Variants in NOC4L observed in about 807,000 individuals in gnomAD.
NOC4L encodes the protein nucleolar complex associated 4 homolog, also known as nucleolar complex protein 4 homolog.
In NOC4L, 40 loss-of-function variants were observed where a neutral mutation model predicts 62.8. That is an observed-to-expected ratio of 0.64 (90% CI 0.49 to 0.83). The LOEUF (loss-of-function observed/expected upper bound fraction) is 0.83. Among genes scored for constraint, NOC4L ranks in the 40% least tolerant of loss-of-function variants. The pLI is 0.00. For synonymous variants in NOC4L, 433 were observed against 299.8 expected (o/e 1.44, Z -4.59); for missense variants, 927 against 701.9 (o/e 1.32, Z -3.62).
chr12:132,147,661 A>C lies in NOC4L; in HGVS notation c.482A>C (p.Glu161Ala), dbSNP rs1334754082. 6.2e-7 allele frequency: 1 copy of C among 1,612,824 alleles called. No homozygotes were observed. Among genetic ancestry groups the C allele is most frequent in the Admixed American group, 1.7e-5 (1 of 60,014 alleles). Reference sequence around the variant, plus strand: ...GTGGTGGGAGGCCTGCTGTCTCCTGAGGAGGACCAGAGCCTGCTCCTGTCC... The same window carrying C: ...GTGGTGGGAGGCCTGCTGTCTCCTGCGGAGGACCAGAGCCTGCTCCTGTCC... ...KLVVGGLLSP[E>A]EDQSLLLSQF... The change falls in exon 5 of 15, where the codon GAG becomes GCG. Residue 161 changes from glutamate (E) to alanine (A), a missense_variant. Coordinates refer to ENST00000330579, the MANE Select transcript of NOC4L (RefSeq NM_024078.3).
rs563256229 is a variant in NOC4L at position 132,148,199 on chromosome 12, C to A, written c.738+93C>A. ...CCCATGGAGGCTGCCGCCTTCCTCA[C>A]CAGAGGAAACTCCCAGGGTACAGGT... is the stretch of plus-strand genomic sequence containing the variant. On this transcript the variant is annotated intron_variant, in intron 7 of 14. Coordinates refer to ENST00000330579, the MANE Select transcript of NOC4L (RefSeq NM_024078.3). 10 of 1,288,142 alleles carry A rather than the reference C, an allele frequency of 7.8e-6. No homozygotes were observed. The East Asian group carries it at 2.2e-4, about 28-fold the overall frequency. The allele number at this position is 1,288,142 out of a possible 1,614,324, so 79.8% of individuals were successfully genotyped here. A position where few individuals can be genotyped will look rare whatever the true frequency, so the allele number is the denominator to read the frequency against.
At chr12:132,148,197 C>T (rs1593428986) in intron 7 of NOC4L, 91 bp downstream of exon 7, 5 of 1,358,110 alleles carry the variant, frequency 3.7e-6, no homozygotes, top group African/African-American at 1.4e-5. Flanking sequence ...CCGCCTTCCT[C>T]ACCAGAGGAA....
chr12:132,145,625 G>A lies in NOC4L; in HGVS notation c.305G>A (p.Arg102His), dbSNP rs577947175. ...MRHRYHSCCNRLGELLGHPSF... is the reference protein window; with the variant it reads ...MRHRYHSCCNHLGELLGHPSF... ...CACCGCTATCACAGCTGCTGCAATC[G>A]CTTGGGAGAGCTCCTGGGCCACCCC... is the stretch of plus-strand genomic sequence containing the variant. Residue 102 changes from arginine to histidine, a missense_variant, in exon 3 of 15, where the codon CGC (arginine) becomes CAC (histidine). Transcript: ENST00000330579. 3 of 1,613,540 alleles carry A rather than the reference G, an allele frequency of 1.9e-6. No homozygotes were observed. The South Asian group carries it at 3.3e-5, about 18-fold the overall frequency.
At chr12:132,144,723 G>A (rs995224704) in intron 1 of NOC4L, 118 bp downstream of exon 1, 111 of 1,459,298 alleles carry the variant, frequency 7.6e-5, no homozygotes, top group Non-Finnish European at 9.9e-5. Context: ...CAGGGTGGGA[G>A]GCGTGTGGGT....
At position 132,147,311 on chromosome 12, in the gene NOC4L, G is replaced by A. The variant is rs375092329; in HGVS notation, c.376G>A (p.Val126Met). 47 of 1,581,558 alleles carry A rather than the reference G, an allele frequency of 3.0e-5. 1 individual carries two copies. Among genetic ancestry groups the A allele is most frequent in the Admixed American group, 8.9e-5 (5 of 56,320 alleles). ...GGCCCTCAGCGCACTCCTGAAGTTCGTGCAGCTGGAAGGAGCGCACCCCCT... is the reference window on the plus strand; with the variant it reads ...GGCCCTCAGCGCACTCCTGAAGTTCATGCAGCTGGAAGGAGCGCACCCCCT... ...ELALSALLKFVQLEGAHPLEK... is the reference protein window; with the variant it reads ...ELALSALLKFMQLEGAHPLEK... The change falls in exon 4 of 15, where the codon GTG (valine) becomes ATG (methionine). Residue 126 changes from valine to methionine, a missense_variant. Physicochemically the swap from Val to Met is conservative, Grantham distance 21. Coordinates refer to ENST00000330579, the MANE Select transcript of NOC4L (RefSeq NM_024078.3).
Position 132,152,436 on chromosome 12 carries a change from C to G in NOC4L, c.*35C>G, listed in dbSNP as rs1385901263. 6.5e-7 allele frequency: 1 copy of G among 1,547,304 alleles called. No individual in the cohort carries two copies. Among genetic ancestry groups the G allele is most frequent in the East Asian group, 2.4e-5 (1 of 41,880 alleles). On this transcript the variant is annotated 3_prime_UTR_variant, in exon 15 of 15. Coordinates refer to ENST00000330579, the MANE Select transcript of NOC4L (RefSeq NM_024078.3). ...ACCTGTGAATAAATCTCAGCTGACC[C>G]CAGCCCACCTGTGAATAAATGTTTT...
rs772581008 is a variant in NOC4L at position 132,151,639 on chromosome 12, G to T, written c.1229G>T (p.Gly410Val). The change falls in exon 12 of 15, where the codon GGC becomes GTC. Residue 410 changes from glycine to valine, a missense_variant. Transcript: ENST00000330579. ...ACRVLVHRPH[G>V]PELDADPYDP... Reference sequence around the variant, plus strand: ...CGGGTCCTCGTGCACCGTCCACACGGCCCTGGTGAGTTGCGGGGCCCTCGG... The same window carrying T: ...CGGGTCCTCGTGCACCGTCCACACGTCCCTGGTGAGTTGCGGGGCCCTCGG... 7 of 1,611,690 alleles carry T rather than the reference G, an allele frequency of 4.3e-6. No homozygotes were observed. In the Middle Eastern group the frequency reaches 8.3e-4, roughly 190 times the overall value.
rs761201953 is a variant in NOC4L, at chr12:132,151,010, G to C, written c.931G>C (p.Gly311Arg). Residue 311 changes from glycine (G) to arginine (R), a missense_variant, in exon 10 of 15, where the codon GGG becomes CGG. Physicochemically the swap from Gly to Arg is moderately radical, Grantham distance 125. Transcript: ENST00000330579. Reference protein sequence around the residue: ...GGALSLLALNGLFILIHKHNL... With the variant: ...GGALSLLALNRLFILIHKHNL... ...GGCCCTCAGCCTCTTGGCCTTGAAC[G>C]GGCTGTTCATCTTGATTCACAAACA... 2 of 1,611,160 alleles carry C rather than the reference G, an allele frequency of 1.2e-6. No individual in the cohort carries two copies. The highest frequency in any genetic ancestry group is 1.7e-6 in the Non-Finnish European group (2 of 1,179,132).
rs540675380 is a variant in NOC4L, at chr12:132,151,557, G to T, written c.1147G>T (p.Ala383Ser). ...CCTGGCCCTGACGGCTCCCCCTGAG[G>T]CCCTGCTCATGGTCCTGCCTTTCAT... Reference protein sequence around the residue: ...ARLALTAPPEALLMVLPFICN... With the variant: ...ARLALTAPPESLLMVLPFICN... Residue 383 changes from alanine (A) to serine (S), a missense_variant, in exon 12 of 15, where the codon GCC (alanine) becomes TCC (serine). Physicochemically the swap from Ala to Ser is moderately conservative, Grantham distance 99 (BLOSUM62 1). Transcript: ENST00000330579. 5.5e-5 allele frequency: 89 copies of T among 1,609,960 alleles called. No homozygotes were observed. In the South Asian group the frequency reaches 9.1e-4, roughly 17 times the overall value.
intron 3 of NOC4L, among the ~76,000 whole-genome samples, chr12:132,146,638 C>T (rs1045185004): frequency 1.2e-4 from 18 of 152,106 alleles, no homozygotes; most frequent in Admixed American, 1.1e-3. Context: ...TAATTATAGC[C>T]GAGCTGCAGA....
intron 13 of NOC4L, 23 bp downstream of exon 13, chr12:132,151,843 C>T (rs1366978659): frequency 5.0e-6 from 8 of 1,603,052 alleles, no homozygotes; most frequent in South Asian, 1.1e-5. Context: ...CTGCCACACC[C>T]TGGGGCCTCC....
intron 3 of NOC4L, 122 bp downstream of exon 3, chr12:132,145,787 C>T (rs1466980114): frequency 3.1e-6 from 2 of 654,454 alleles, no homozygotes; most frequent in East Asian, 2.7e-5. Context: ...TTCATGGGAG[C>T]ATCACCCTGT....
chr12:132,151,776 C>G lies in NOC4L; in HGVS notation c.1273C>G (p.Pro425Ala), dbSNP rs1396084123. Residue 425 changes from proline to alanine, a missense_variant, in exon 13 of 15, where the codon CCA (proline) becomes GCA (alanine). Transcript: ENST00000330579. ...ADPYDPGEED[P>A]AQSRALESSL... ...CCCCTACGACCCTGGAGAGGAGGACCCAGCCCAGAGCCGGGCCTTGGAGAG... is the reference window on the plus strand; with the variant it reads ...CCCCTACGACCCTGGAGAGGAGGACGCAGCCCAGAGCCGGGCCTTGGAGAG... 1.2e-6 allele frequency: 2 copies of G among 1,612,382 alleles called. No homozygotes were observed. The highest frequency in any genetic ancestry group is 1.1e-5 in the South Asian group (1 of 91,084).
Position 132,144,924 on chromosome 12 carries a change from G to C in NOC4L, c.188G>C (p.Arg63Pro), listed in dbSNP as rs372566460. ...CSRLFGALLE[R>P]GELFVGQLPS... ...CGTCTTTTCGGGGCCTTGCTGGAGCGGGGAGAGCTGTTTGTGGGCCAGCTG... is the reference window on the plus strand; with the variant it reads ...CGTCTTTTCGGGGCCTTGCTGGAGCCGGGAGAGCTGTTTGTGGGCCAGCTG... The change falls in exon 2 of 15, where the codon CGG becomes CCG. Residue 63 changes from arginine (R) to proline (P), a missense_variant. Arg to Pro is a moderately radical substitution (Grantham distance 103). Transcript: ENST00000330579. 4 of 1,601,290 alleles carry C rather than the reference G, an allele frequency of 2.5e-6. No homozygotes were observed. Among genetic ancestry groups the C allele is most frequent in the Non-Finnish European group, 3.4e-6 (4 of 1,175,062 alleles).
intron 2 of NOC4L, 65 bp downstream of exon 2, chr12:132,145,039 C>A: frequency 6.6e-7 from 1 of 1,517,818 alleles, no homozygotes; most frequent in Non-Finnish European, 8.9e-7. Flanking sequence ...GCTTTGTCAC[C>A]ATGGGATGAG....
At position 132,144,557 on chromosome 12, in the gene NOC4L, G is replaced by A; in HGVS notation, c.69G>A (p.Ala23=). The A allele has an allele frequency of 6.6e-7, 1 of 1,521,008 alleles. No individual in the cohort carries two copies. The highest frequency in any genetic ancestry group is 8.8e-7 in the Non-Finnish European group (1 of 1,142,284). 94.2% of individuals were successfully genotyped at this position (1,521,008 alleles called of 1,614,324 possible). A position where few individuals can be genotyped will look rare whatever the true frequency, so the allele number is the denominator to read the frequency against. The change falls in exon 1 of 15, where the codon GCG becomes GCA. Residue 23 remains alanine (A), a synonymous_variant. Transcript: ENST00000330579. ...ALGRRLEAVL[A]SRSEANAVFD... ...GCCGCCGGCTGGAGGCGGTGCTGGC[G>A]AGCCGCAGTGAGGCCAACGCCGTGT...
rs374292708 is a variant in NOC4L, at chr12:132,147,852, G to A, written c.604-28G>A. ...AGGGAGGCAGGGACTGGGGGGCGGC[G>A]TCCAGGCACTCAGGCCAGGCTCCGC... On this transcript the variant is annotated intron_variant, in intron 5 of 14. Coordinates refer to ENST00000330579, the MANE Select transcript of NOC4L (RefSeq NM_024078.3). 398 of 1,609,570 alleles carry A rather than the reference G, an allele frequency of 2.5e-4. 5 individuals are homozygous for A. In the South Asian group the frequency reaches 2.8e-3, roughly 12 times the overall value.
At chr12:132,148,269 C>T (rs571057535) in intron 7 of NOC4L, among the ~76,000 whole-genome samples, 163 bp downstream of exon 7, 15 of 152,304 alleles carry the variant, frequency 9.8e-5, no homozygotes, top group African/African-American at 2.6e-4. Flanking sequence ...TGGGAGGTGA[C>T]GAGACCTGTG....
chr12:132,151,357 C>A lies in NOC4L; in HGVS notation c.1062C>A (p.Phe354Leu), dbSNP rs376665964. 18 of 1,610,018 alleles carry A rather than the reference C, an allele frequency of 1.1e-5. No individual in the cohort carries two copies. The East Asian group carries it at 4.0e-4, about 36-fold the overall frequency. The change falls in exon 11 of 15, where the codon TTC becomes TTA. Residue 354 changes from phenylalanine to leucine, a missense_variant. Physicochemically the swap from Phe to Leu is conservative, Grantham distance 22. Transcript: ENST00000330579. ...RARFFHLADL[F>L]LSSSHLPAYL... ...GCTTCTTCCACCTGGCTGACCTCTT[C>A]CTGTCCTCCTCGTGAGTACCAGGGC...
Sources: allele counts gnomAD v4.1 joint callset (sites outside exome capture counted in the v4.1 genomes callset), GRCh38; gene constraint gnomAD v4.1.1; transcripts MANE v1.5; gene names NCBI Gene and HGNC (gene_info 2026-07-23, HGNC 2026-07-21).